Variants in ST7L observed in about 807,000 individuals in gnomAD.
ST7L encodes the protein suppression of tumorigenicity 7 like, also known as suppressor of tumorigenicity 7 protein-like.
In ST7L, 57 loss-of-function variants were observed where a neutral mutation model predicts 72.5. The observed-to-expected ratio is 0.79, with a 90% CI of 0.64 to 0.98. The LOEUF (loss-of-function observed/expected upper bound fraction) is 0.98. ST7L is among the 50% of genes least tolerant of loss of function. The pLI, the probability that ST7L is intolerant of heterozygous loss-of-function variation, is 0.00. For synonymous variants in ST7L, 221 were observed against 240.9 expected, an observed-to-expected ratio of 0.92 and a Z score of 0.77; for missense variants, 576 against 672.2, an observed-to-expected ratio of 0.86 and a Z score of 1.58.
intron 1 of ST7L, 38 bp downstream of exon 1, chr1:112,618,870 TG>T (rs1237523785): frequency 6.5e-7 from 1 of 1,546,160 alleles, no homozygotes. Context: ...ACATCTCTCC[TG>T]GCCCCCCGCC....
At chr1:112,568,880 A>G (rs1661572317) in intron 11 of ST7L, among the ~76,000 whole-genome samples, 1 of 140,860 alleles carries the variant, frequency 7.1e-6, no homozygotes, top group South Asian at 2.2e-4. Context: ...ATATATATAT[A>G]TATATATAAA....
intron 10 of ST7L, among the ~76,000 whole-genome samples, chr1:112,577,460 G>A (rs1571134039): frequency 6.8e-6 from 1 of 147,100 alleles, no homozygotes; most frequent in East Asian, 2.1e-4. Flanking sequence ...TACCCGGGAG[G>A]CAGAGGTTGC....
intron 14 of ST7L, among the ~76,000 whole-genome samples, chr1:112,534,667 A>G (rs952023567): frequency 1.3e-5 from 2 of 152,086 alleles, no homozygotes; most frequent in African/African-American, 4.8e-5. Context: ...GATTCTCCCA[A>G]TTTAGAGGAC....
intron 3 of ST7L, among the ~76,000 whole-genome samples, chr1:112,605,964 T>C (rs1356519377): frequency 3.3e-5 from 5 of 152,236 alleles, no homozygotes; most frequent in Non-Finnish European, 7.3e-5. Flanking sequence ...TGTTGACAAT[T>C]GAACAGCTCT....
In ST7L at chr1:112,618,901, C is replaced by G. The variant is rs1378180316; in HGVS notation, c.205+8G>C. ...CCCGCCCTGCCCCAGGAGGTCTGGTCCTCTCACCCGCTGCCAAATTCTCAC... is the reference window on the plus strand; with the variant it reads ...CCCGCCCTGCCCCAGGAGGTCTGGTGCTCTCACCCGCTGCCAAATTCTCAC... On this transcript the variant is annotated splice_region_variant and intron_variant, in intron 1 of 14. Transcript: ENST00000358039. The G allele has an allele frequency of 6.4e-7, 1 of 1,554,716 alleles. No individual in the cohort carries two copies. The highest frequency in any genetic ancestry group is 2.0e-5 in the Admixed American group (1 of 51,168).
rs532426238 is a variant in ST7L, at chr1:112,573,949, C to G, written c.1245+3037G>C. 3.8e-3 allele frequency among the ~76,000 whole-genome samples: 489 copies of G among 127,098 alleles called. 2 individuals are homozygous for G. Among genetic ancestry groups the G allele is most frequent in the African/African-American group, 0.014 (474 of 34,904 alleles). The allele number at this position is 127,098 out of a possible 152,430, so 83.4% of individuals were successfully genotyped here. ...TTTTTTTTTGAGACGGAGTCTCACTCTGTAGCCCAAGCTGGAGTGCAGTGG... is the reference window on the plus strand; with the variant it reads ...TTTTTTTTTGAGACGGAGTCTCACTGTGTAGCCCAAGCTGGAGTGCAGTGG... On this transcript the variant is annotated intron_variant, in intron 11 of 14. Transcript: ENST00000358039.
chr1:112,525,887 T>C lies in ST7L; in HGVS notation c.*126A>G, dbSNP rs931833734. ...AATATTCATAAGAAGCTTTTTCATA[T>C]GCAAAATGCTTTAGCATATATGTAA... On this transcript the variant is annotated 3_prime_UTR_variant, in exon 15 of 15. Coordinates refer to ENST00000358039, the MANE Select transcript of ST7L (RefSeq NM_017744.5). 1 of 1,325,754 alleles carries C rather than the reference T, an allele frequency of 7.5e-7. No individual in the cohort carries two copies. The highest frequency in any genetic ancestry group is 2.5e-5 in the East Asian group (1 of 39,496). The allele number at this position is 1,325,754 out of a possible 1,614,324, so 82.1% of individuals were successfully genotyped here. A position where few individuals can be genotyped will look rare whatever the true frequency, so the allele number is the denominator to read the frequency against.
At chr1:112,539,872 T>C in intron 14 of ST7L, 1 of 985,390 alleles carries the variant, frequency 1.0e-6, no homozygotes, top group Non-Finnish European at 1.2e-6. Context: ...AGTTTACCAT[T>C]AGGCACATTC....
chr1:112,520,699 G>C, downstream of ST7L: 1 of 630,892 alleles, frequency 1.6e-6, no homozygotes, highest in Non-Finnish European at 2.7e-6. Context: ...GTTGTCAGGG[G>C]ATATAAGAAA....
chr1:112,612,636 T>G (rs116341242), intron 2 of ST7L, among the ~76,000 whole-genome samples: 37 of 152,300 alleles, frequency 2.4e-4, no homozygotes, highest in Non-Finnish European at 4.7e-4. Flanking sequence ...ATGTCACTAA[T>G]GTTTTATGCT....
chr1:112,559,772 A>G (rs905749163), intron 11 of ST7L, among the ~76,000 whole-genome samples: 1 of 151,792 alleles, frequency 6.6e-6, no homozygotes, highest in Non-Finnish European at 1.5e-5. Context: ...CGAGGTCAGG[A>G]GTTCAAGACC....
chr1:112,549,337 GAGCT>G (rs1303228143), intron 13 of ST7L, among the ~76,000 whole-genome samples: 3 of 152,124 alleles, frequency 2.0e-5, no homozygotes, highest in African/African-American at 4.8e-5. Flanking sequence ...AGGTTGTAGT[GAGCT>G]GAGATTGCGC....
intron 12 of ST7L, among the ~76,000 whole-genome samples, chr1:112,551,166 T>TTTTTTTA (rs1658095032): frequency 8.3e-6 from 1 of 121,210 alleles, no homozygotes; most frequent in African/African-American, 3.0e-5. Context: ...TTTTTTTTTT[T>TTTTTTTA]GAGACAGAGT....
At chr1:112,597,726 A>G (rs1164831951) in intron 5 of ST7L, among the ~76,000 whole-genome samples, 1 of 152,316 alleles carries the variant, frequency 6.6e-6, no homozygotes, top group Middle Eastern at 3.4e-3. Flanking sequence ...AGTAGTTGCT[A>G]TATTTGATCT....
chr1:112,534,897 T>A (rs1654935493), intron 14 of ST7L, among the ~76,000 whole-genome samples: 1 of 152,130 alleles, frequency 6.6e-6, no homozygotes, highest in Admixed American at 6.6e-5. Context: ...GTCCTAAATT[T>A]TAGCAATGAG....
intron 13 of ST7L, among the ~76,000 whole-genome samples, chr1:112,548,842 G>A (rs1657599690): frequency 6.6e-6 from 1 of 152,170 alleles, no homozygotes; most frequent in African/African-American, 2.4e-5. Context: ...CTTCCTAAAG[G>A]CAGGAACTAG....
chr1:112,564,688 G>A lies in ST7L; in HGVS notation c.1246-8670C>T, dbSNP rs1055647545. Among the ~76,000 whole-genome samples the A allele has an allele frequency of 6.6e-5, 10 of 151,894 alleles. No individual in the cohort carries two copies. In the South Asian group the frequency reaches 2.1e-3, roughly 32 times the overall value. Reference sequence around the variant, plus strand: ...AAAAATTGCCCAGGTGTGGTGGCGGGTGCCTATAATCCCAGCTACTTGGGA... The same window carrying A: ...AAAAATTGCCCAGGTGTGGTGGCGGATGCCTATAATCCCAGCTACTTGGGA... On this transcript the variant is annotated intron_variant, in intron 11 of 14. Transcript: ENST00000358039.
At chr1:112,606,568 T>C (rs972718480) in intron 3 of ST7L, among the ~76,000 whole-genome samples, 25 of 152,214 alleles carry the variant, frequency 1.6e-4, no homozygotes, top group African/African-American at 5.5e-4. Context: ...ATTACCCAGC[T>C]CCAAAGCTGT....
intron 14 of ST7L, among the ~76,000 whole-genome samples, chr1:112,541,191 G>A (rs376376108): frequency 2.6e-5 from 4 of 151,986 alleles, no homozygotes; most frequent in African/African-American, 4.8e-5. Flanking sequence ...GGGCTGAGGC[G>A]GGAGGACTGT....
Sources: gnomAD v4.1 joint callset for allele counts (sites outside exome capture counted in the v4.1 genomes callset) on GRCh38, gnomAD v4.1.1 for gene constraint, MANE v1.5 for transcripts, NCBI Gene and HGNC (gene_info 2026-07-23, HGNC 2026-07-21) for gene names.